The following POMZP3 variants were observed in gnomAD, a reference collection of about 807,000 sequenced individuals.
The protein encoded by POMZP3 is POM121 and ZP3 fusion protein.
POMZP3 carries 10 observed loss-of-function variants against 19.8 expected under a neutral mutation model. The ratio of observed to expected loss-of-function variants is 0.51; its 90% CI spans 0.31 to 0.86. The LOEUF is 0.86. Ranked by LOEUF, POMZP3 falls within the 40% of genes least tolerant of loss-of-function variation. The pLI, the probability that POMZP3 is intolerant of heterozygous loss-of-function variation, is 0.04. For synonymous variants in POMZP3, 57 were observed against 85.8 expected (o/e 0.66, Z 1.85); for missense variants, 152 against 228.1 (o/e 0.67, Z 2.15).
rs1375742925 is a variant in POMZP3 at position 76,624,908 on chromosome 7, A to G, written c.227+614T>C. 5.4e-3 allele frequency among the ~76,000 whole-genome samples: 818 copies of G among 150,798 alleles called. 1 individual carries two copies. Among genetic ancestry groups the G allele is most frequent in the Non-Finnish European group, 8.2e-3 (558 of 67,646 alleles). ...AGCACTTTGGGAGGCCAAGGCGGGC[A>G]GATCACGAGGTCAGGAGTTCGAGAC... is the stretch of plus-strand genomic sequence containing the variant. On this transcript the variant is annotated intron_variant, in intron 3 of 6. Transcript: ENST00000310842.
In POMZP3 at chr7:76,611,565, T is replaced by A; in HGVS notation, c.464A>T (p.Asp155Val). 1 of 1,602,660 alleles carries A rather than the reference T, an allele frequency of 6.2e-7. No individual in the cohort carries two copies. Among genetic ancestry groups the A allele is most frequent in the Non-Finnish European group, 8.5e-7 (1 of 1,171,386 alleles). The part of the protein sequence containing the change: ...NSWFPVEGLA[D>V]ICQCCNKGDC... Reference sequence around the variant, plus strand: ...ACCTTTGTTACAGCATTGACAGATGTCAGCCAGGCCTTCCACTGGGAACCA... The same window carrying A: ...ACCTTTGTTACAGCATTGACAGATGACAGCCAGGCCTTCCACTGGGAACCA... Residue 155 changes from aspartate (D) to valine (V), a missense_variant, in exon 6 of 7, where the codon GAC becomes GTC. By Grantham distance (152) the Asp-to-Val change is radical (BLOSUM62 -3). Coordinates refer to ENST00000310842, the MANE Select transcript of POMZP3 (RefSeq NM_012230.5).
chr7:76,623,563 C>G lies in POMZP3; in HGVS notation c.227+1959G>C, dbSNP rs1273732674. Among the ~76,000 whole-genome samples, 33 of 148,296 alleles carry G rather than the reference C, an allele frequency of 2.2e-4. No individual in the cohort carries two copies. The Middle Eastern group carries it at 0.017, about 77-fold the overall frequency. ...CCTGTAATCCCAACACTTTGGGAGG[C>G]TGAGGTGGGTGGATCACCTGAGGTC... On this transcript the variant is annotated intron_variant, in intron 3 of 6. Transcript: ENST00000310842.
chr7:76,625,587 C>T lies in POMZP3; in HGVS notation c.162G>A (p.Lys54=), dbSNP rs1815833365. 1 of 1,613,648 alleles carries T rather than the reference C, an allele frequency of 6.2e-7. No homozygotes were observed. Among genetic ancestry groups the T allele is most frequent in the Admixed American group, 1.7e-5 (1 of 59,978 alleles). The change falls in exon 3 of 7, where the codon AAG becomes AAA. Residue 54 remains lysine, a synonymous_variant. Transcript: ENST00000310842. ...KETVLSALKE[K]KKKRTVEEED... The stretch of plus-strand genomic sequence containing the variant: ...CTTCCTCCACTGTCCTTTTCTTCTT[C>T]TTCTCTTTGAGGGCACTCAGTACAG...
rs1584358426 is a variant in POMZP3, at chr7:76,626,247, A to G, written c.-151-32T>C. The G allele has an allele frequency of 3.3e-6, 5 of 1,507,986 alleles. No individual in the cohort carries two copies. In the East Asian group the frequency reaches 1.2e-4, roughly 37 times the overall value. The allele number at this position is 1,507,986 out of a possible 1,614,324, so 93.4% of individuals were successfully genotyped here. On this transcript the variant is annotated intron_variant, in intron 1 of 6. Coordinates refer to ENST00000310842, the MANE Select transcript of POMZP3 (RefSeq NM_012230.5). ...AGAATGCGAGACAAATCATGGAAACAAAGTATAAAAGAATGTCAAAATTTT... is the reference window on the plus strand; with the variant it reads ...AGAATGCGAGACAAATCATGGAAACGAAGTATAAAAGAATGTCAAAATTTT...
At chr7:76,619,670 G>C (rs937869479) in intron 3 of POMZP3, among the ~76,000 whole-genome samples, 1 of 146,434 alleles carries the variant, frequency 6.8e-6, no homozygotes, top group African/African-American at 2.6e-5. Flanking sequence ...TGAAGCAACT[G>C]AAAATGAATG....
At chr7:76,620,890 A>T (rs1387654230) in intron 3 of POMZP3, among the ~76,000 whole-genome samples, 1 of 70,678 alleles carries the variant, frequency 1.4e-5, no homozygotes, top group Admixed American at 2.0e-4. Context: ...TTTTTTTGAG[A>T]CAGAGTCTCT....
At chr7:76,616,579 G>A (rs1325460280) in intron 4 of POMZP3, among the ~76,000 whole-genome samples, 1 of 99,070 alleles carries the variant, frequency 1.0e-5, no homozygotes, top group Non-Finnish European at 2.2e-5. Context: ...ACTTGAGGCT[G>A]GGCATGGTGG....
intron 4 of POMZP3, among the ~76,000 whole-genome samples, chr7:76,613,460 C>A (rs1018968539): frequency 1.6e-5 from 2 of 128,804 alleles, no homozygotes; most frequent in Non-Finnish European, 3.5e-5. Context: ...AAGGACCCCC[C>A]CCACCCAGGG....
chr7:76,626,553 G>A (rs1384018059), intron 1 of POMZP3, 155 bp downstream of exon 1: 10 of 642,784 alleles, frequency 1.6e-5, no homozygotes, highest in Non-Finnish European at 2.5e-6. Flanking sequence ...AAGAGTCAGA[G>A]GCCAGGAGAC....
At position 76,627,170 on chromosome 7, in the gene POMZP3, G is replaced by A. The variant is rs943876078; in HGVS notation, c.-614C>T. 1,549 of 1,446,556 alleles carry A rather than the reference G, an allele frequency of 1.1e-3. 248 individuals are homozygous for A. Among genetic ancestry groups the A allele is most frequent in the Non-Finnish European group, 1.3e-3 (1,452 of 1,088,892 alleles). The allele number at this position is 1,446,556 out of a possible 1,614,324, so 89.6% of individuals were successfully genotyped here. A position where few individuals can be genotyped will look rare whatever the true frequency, so the allele number is the denominator to read the frequency against. Reference sequence around the variant, plus strand: ...AGGAGGCCGACCAGCGACAGGCCGAGAAGCGCCGCCCCGGCCGGCCCTGAC... The same window carrying A: ...AGGAGGCCGACCAGCGACAGGCCGAAAAGCGCCGCCCCGGCCGGCCCTGAC... On this transcript the variant is annotated 5_prime_UTR_variant, in exon 1 of 7. Coordinates refer to ENST00000310842, the MANE Select transcript of POMZP3 (RefSeq NM_012230.5).
At chr7:76,624,520 G>A (rs765859063) in intron 3 of POMZP3, among the ~76,000 whole-genome samples, 2 of 151,074 alleles carry the variant, frequency 1.3e-5, no homozygotes, top group Non-Finnish European at 2.9e-5. Flanking sequence ...GTCTCGGCTC[G>A]CTGCAACCTC....
intron 6 of POMZP3, among the ~76,000 whole-genome samples, chr7:76,610,757 G>A (rs1382258044): frequency 6.7e-6 from 1 of 148,742 alleles, no homozygotes; most frequent in Admixed American, 6.7e-5. Context: ...TGTAGAGACA[G>A]GGTCTTGCTA....
At chr7:76,622,286 C>T (rs1331260351) in intron 3 of POMZP3, among the ~76,000 whole-genome samples, 3 of 151,764 alleles carry the variant, frequency 2.0e-5, no homozygotes, top group South Asian at 2.1e-4. Context: ...TTTATGGACT[C>T]GCCCTGAATT....
chr7:76,624,093 A>C (rs1815722148), intron 3 of POMZP3, among the ~76,000 whole-genome samples: 1 of 110,664 alleles, frequency 9.0e-6, no homozygotes, highest in African/African-American at 3.7e-5. Flanking sequence ...GTCAAAATCA[A>C]GAGGAAAGGA....
chr7:76,611,666 T>G (rs1381053772), intron 5 of POMZP3, 56 bp downstream of exon 5: 1 of 1,545,240 alleles, frequency 6.5e-7, no homozygotes, highest in African/African-American at 1.4e-5. Context: ...TTGGGGGAAA[T>G]AGACAAGGGG....
At position 76,615,601 on chromosome 7, in the gene POMZP3, G is replaced by C. The variant is rs1244037359; in HGVS notation, c.345+2582C>G. 7 of 85,874 alleles carry C rather than the reference G, an allele frequency of 8.2e-5. 3 individuals are homozygous for C. The highest frequency in any genetic ancestry group is 1.6e-4 in the Non-Finnish European group (7 of 43,804). 5.3% of individuals were successfully genotyped at this position (85,874 alleles called of 1,614,324 possible). ...CTCTGCTTCAGAGGTTTGCAAGCCT[G>C]GCTGCGTATTAGAGTCACCTAGGAG... On this transcript the variant is annotated intron_variant, in intron 4 of 6. Coordinates refer to ENST00000310842, the MANE Select transcript of POMZP3 (RefSeq NM_012230.5).
chr7:76,619,612 C>T (rs1357957752), intron 3 of POMZP3, among the ~76,000 whole-genome samples: 2 of 150,098 alleles, frequency 1.3e-5, no homozygotes, highest in Non-Finnish European at 3.0e-5. Flanking sequence ...TTTGGAACTC[C>T]TCAAAGGCTG....
Position 76,614,626 on chromosome 7 carries a change from G to A in POMZP3, c.346-2813C>T, listed in dbSNP as rs1815226289. Among the ~76,000 whole-genome samples the A allele has an allele frequency of 2.4e-5, 2 of 83,422 alleles. 1 individual carries two copies. Among genetic ancestry groups the A allele is most frequent in the African/African-American group, 1.1e-4 (2 of 17,814 alleles). 54.7% of individuals were successfully genotyped at this position (83,422 alleles called of 152,430 possible). A position where few individuals can be genotyped will look rare whatever the true frequency, so the allele number is the denominator to read the frequency against. On this transcript the variant is annotated intron_variant, in intron 4 of 6. Coordinates refer to ENST00000310842, the MANE Select transcript of POMZP3 (RefSeq NM_012230.5). ...CACGCCTGTAATCCCAGCACTTGCT[G>A]AGGCAGGTGGATCACCTGAGGTCAG...
chr7:76,620,987 GCCT>G (rs1278208624), intron 3 of POMZP3: 8 of 148,120 alleles, frequency 5.4e-5, no homozygotes, highest in Middle Eastern at 3.4e-3. Context: ...TCCTGCCTCA[GCCT>G]CCTGAGTAGC....
Sources: allele counts gnomAD v4.1 joint callset (sites outside exome capture counted in the v4.1 genomes callset), GRCh38; gene constraint gnomAD v4.1.1; transcripts MANE v1.5; gene names NCBI Gene and HGNC (gene_info 2026-07-23, HGNC 2026-07-21).